Variants in ZNF892 observed in about 807,000 individuals in gnomAD.
ZNF892 encodes the protein zinc finger protein 570-like.
the ZNF892 span, among the ~76,000 whole-genome samples, chr2:95,257,390 T>C: frequency 5.9e-5 from 9 of 152,220 alleles, no homozygotes; most frequent in East Asian, 1.7e-3. Context: ...CAGCAGATAG[T>C]GGTAAACAGC....
At chr2:95,229,103 G>A in the ZNF892 span, among the ~76,000 whole-genome samples, 1 of 152,040 alleles carries the variant, frequency 6.6e-6, no homozygotes, top group Non-Finnish European at 1.5e-5. Flanking sequence ...TTCCTAAAAT[G>A]TGTAAAACTA....
the ZNF892 span, among the ~76,000 whole-genome samples, chr2:95,243,320 G>T: frequency 6.6e-6 from 1 of 151,656 alleles, no homozygotes; most frequent in African/African-American, 2.4e-5. Context: ...CATCGTCTGG[G>T]ATGTGAGGAG....
chr2:95,230,373 A>G, the ZNF892 span, among the ~76,000 whole-genome samples: 6 of 152,160 alleles, frequency 3.9e-5, no homozygotes, highest in Non-Finnish European at 8.8e-5. Context: ...TTGAAATATA[A>G]ATAAATAAAA....
At chr2:95,246,541 G>C in the ZNF892 span, among the ~76,000 whole-genome samples, 2 of 152,090 alleles carry the variant, frequency 1.3e-5, no homozygotes, top group African/African-American at 2.4e-5. Flanking sequence ...AGAAATAAAG[G>C]GTATTCAAAT....
At chr2:95,227,067 A>G in the ZNF892 span, among the ~76,000 whole-genome samples, 1 of 152,058 alleles carries the variant, frequency 6.6e-6, no homozygotes, top group African/African-American at 2.4e-5. Flanking sequence ...ATATGGCCCT[A>G]GAAAGGAGGG....
At chr2:95,263,499 T>C in the ZNF892 span, among the ~76,000 whole-genome samples, 1 of 152,180 alleles carries the variant, frequency 6.6e-6, no homozygotes, top group Non-Finnish European at 1.5e-5. Flanking sequence ...CACTTTCACA[T>C]AAAATATTAA....
chr2:95,260,609 T>C, the ZNF892 span, among the ~76,000 whole-genome samples: 1 of 152,176 alleles, frequency 6.6e-6, no homozygotes, highest in Non-Finnish European at 1.5e-5. Flanking sequence ...CCAGTCTCCA[T>C]GGAAACCTTG....
the ZNF892 span, among the ~76,000 whole-genome samples, chr2:95,222,857 T>A: frequency 6.6e-6 from 1 of 152,210 alleles, no homozygotes; most frequent in African/African-American, 2.4e-5. Context: ...TTAGGAAATT[T>A]TTCTTCTAGT....
At chr2:95,210,499 T>C in the ZNF892 span, among the ~76,000 whole-genome samples, 1 of 152,216 alleles carries the variant, frequency 6.6e-6, no homozygotes, top group Non-Finnish European at 1.5e-5. Flanking sequence ...GTAAACAAAC[T>C]AAACTTTGTG....
chr2:95,218,155 T>C, the ZNF892 span, among the ~76,000 whole-genome samples: 1 of 152,224 alleles, frequency 6.6e-6, no homozygotes, highest in Non-Finnish European at 1.5e-5. Flanking sequence ...ATTTATCAAA[T>C]GGTTGTTAAG....
the ZNF892 span, chr2:95,208,633 T>G: frequency 7.5e-6 from 3 of 398,508 alleles, no homozygotes; most frequent in Non-Finnish European, 1.3e-5. Flanking sequence ...TCATGGCTCC[T>G]GTCTCCACTT....
the ZNF892 span, among the ~76,000 whole-genome samples, chr2:95,232,885 T>C: frequency 4.6e-4 from 15 of 32,284 alleles, no homozygotes; most frequent in African/African-American, 2.8e-3. Context: ...GCTCGTTGTG[T>C]GGTGGAGGAC....
the ZNF892 span, among the ~76,000 whole-genome samples, chr2:95,233,859 TTGTAGAAA>T: frequency 6.6e-6 from 1 of 151,806 alleles, no homozygotes; most frequent in Admixed American, 6.6e-5. Flanking sequence ...TTTGTATTTT[TTGTAGAAA>T]TGGTGTTTCA....
chr2:95,225,836 G>A, the ZNF892 span, among the ~76,000 whole-genome samples: 9 of 152,170 alleles, frequency 5.9e-5, no homozygotes, highest in African/African-American at 2.2e-4. Flanking sequence ...AACAAGTTAT[G>A]TGCTTCTGAA....
the ZNF892 span, among the ~76,000 whole-genome samples, chr2:95,239,086 C>T: frequency 1.3e-5 from 2 of 150,516 alleles, no homozygotes; most frequent in African/African-American, 4.9e-5. Flanking sequence ...TTGCAGTGAG[C>T]CGAGATCACA....
At chr2:95,223,058 G>A in the ZNF892 span, among the ~76,000 whole-genome samples, 4 of 152,244 alleles carry the variant, frequency 2.6e-5, no homozygotes, top group East Asian at 3.9e-4. Flanking sequence ...ATAGTTAAGC[G>A]GGTCTGTTTC....
the ZNF892 span, chr2:95,207,900 T>A: frequency 2.5e-6 from 1 of 398,476 alleles, no homozygotes; most frequent in South Asian, 1.3e-4. Context: ...AAAGGCTACC[T>A]CTGGCTGGCG....
chr2:95,245,054 A>G, the ZNF892 span, among the ~76,000 whole-genome samples: 1 of 152,196 alleles, frequency 6.6e-6, no homozygotes, highest in East Asian at 1.9e-4. Context: ...TAAGAGGGAA[A>G]TTTATAACAC....
chr2:95,243,264 G>T, the ZNF892 span, among the ~76,000 whole-genome samples: 1 of 152,156 alleles, frequency 6.6e-6, no homozygotes, highest in Admixed American at 6.5e-5. Context: ...CCTCTGCCCG[G>T]CCGCCACCCC....
Sources: gnomAD v4.1 joint callset for allele counts (sites outside exome capture counted in the v4.1 genomes callset) on GRCh38, gnomAD v4.1.1 for gene constraint, MANE v1.5 for transcripts, NCBI Gene and HGNC (gene_info 2026-07-23, HGNC 2026-07-21) for gene names.